The following EVI5L variants were observed in gnomAD, a reference collection of about 807,000 sequenced individuals.
EVI5L encodes ecotropic viral integration site 5 like.
EVI5L carries 30 observed loss-of-function variants against 106.1 expected under a neutral mutation model. That is an observed-to-expected ratio of 0.28 (90% CI 0.21 to 0.38). The LOEUF (loss-of-function observed/expected upper bound fraction) is 0.38, where lower values mean the gene tolerates loss of function less well. Ranked by LOEUF, EVI5L falls within the 10% of genes least tolerant of loss-of-function variation. The pLI is 1.00. For synonymous variants in EVI5L, 489 were observed against 483.3 expected, an observed-to-expected ratio of 1.01 and a Z score of -0.15; for missense variants, 809 against 1,098.0, an observed-to-expected ratio of 0.74 and a Z score of 3.72.
intron 1 of EVI5L, among the ~76,000 whole-genome samples, chr19:7,842,839 A>G (rs1978702973): frequency 6.7e-6 from 1 of 148,802 alleles, no homozygotes; most frequent in Admixed American, 6.7e-5. Context: ...GAAGGTATAT[A>G]GGTGTGTGTA....
intron 1 of EVI5L, among the ~76,000 whole-genome samples, chr19:7,837,198 G>A (rs942477812): frequency 6.6e-6 from 1 of 151,864 alleles, no homozygotes; most frequent in Non-Finnish European, 1.5e-5. Flanking sequence ...GGGCGTGGTG[G>A]TGCGCACCTG....
intron 1 of EVI5L, among the ~76,000 whole-genome samples, chr19:7,831,699 C>A (rs1978294097): frequency 6.6e-6 from 1 of 152,374 alleles, no homozygotes; most frequent in East Asian, 1.9e-4. Flanking sequence ...TATGCCACCC[C>A]CTGGCGGGAA....
intron 10 of EVI5L, 108 bp downstream of exon 10, chr19:7,853,441 C>T: frequency 6.9e-7 from 1 of 1,438,914 alleles, no homozygotes; most frequent in Non-Finnish European, 9.5e-7. Context: ...AGCGCACAGG[C>T]GGACCCGGCG....
At position 7,857,038 on chromosome 19, in the gene EVI5L, C is replaced by T. The variant is rs533254302; in HGVS notation, c.1201-54C>T. The T allele has an allele frequency of 1.1e-5, 17 of 1,546,568 alleles. No individual in the cohort carries two copies. The highest frequency in any genetic ancestry group is 6.0e-5 in the South Asian group (5 of 83,976). On this transcript the variant is annotated intron_variant, in intron 11 of 19. Coordinates refer to ENST00000538904, the MANE Select transcript of EVI5L (RefSeq NM_001159944.3). The surrounding 1 kb of genome is among the most constrained non-coding windows in gnomAD (Gnocchi z 4.5). ...GTCTGTCTCCCCTCTCCTGTCCCCGCGCCTTCCGCTCTGCCTCCTCCCCCT... is the reference window on the plus strand; with the variant it reads ...GTCTGTCTCCCCTCTCCTGTCCCCGTGCCTTCCGCTCTGCCTCCTCCCCCT...
rs930217987 is a variant in EVI5L at position 7,848,453 on chromosome 19, T to C, written c.328-468T>C. On this transcript the variant is annotated intron_variant, in intron 3 of 19. Transcript: ENST00000538904. The surrounding 1 kb of genome is among the most constrained non-coding windows in gnomAD (Gnocchi z 4.8). ...CTCTACTAAAAATACAAAAATTAGCTGGGCGTGGTGGCGTGCACCTGTAAT... is the reference window on the plus strand; with the variant it reads ...CTCTACTAAAAATACAAAAATTAGCCGGGCGTGGTGGCGTGCACCTGTAAT... Among the ~76,000 whole-genome samples, 3 of 151,930 alleles carry C rather than the reference T, an allele frequency of 2.0e-5. No homozygotes were observed. The highest frequency in any genetic ancestry group is 4.4e-5 in the Non-Finnish European group (3 of 67,990).
At chr19:7,851,144 G>A (rs759437398) in intron 6 of EVI5L, among the ~76,000 whole-genome samples, 2 of 152,112 alleles carry the variant, frequency 1.3e-5, no homozygotes, top group Non-Finnish European at 2.9e-5. Flanking sequence ...TCAGGCTGTC[G>A]TGAGGACCCC....
intron 8 of EVI5L, among the ~76,000 whole-genome samples, chr19:7,852,543 T>G (rs528229194): frequency 1.5e-4 from 19 of 130,946 alleles, no homozygotes; most frequent in Admixed American, 8.6e-4. Flanking sequence ...GCTTTTCTTT[T>G]TTTCTTTTAC....
In EVI5L at chr19:7,856,011, A is replaced by G; in HGVS notation, c.1147-4A>G. On this transcript the variant is annotated splice_polypyrimidine_tract_variant and splice_region_variant and intron_variant, in intron 10 of 19. Transcript: ENST00000538904. The surrounding 1 kb of genome is among the most constrained non-coding windows in gnomAD (Gnocchi z 6.6). Reference sequence around the variant, plus strand: ...TATGACGTGATCTCCCCCCACCCCCATAGAGACTTCGGACGGAGAACCGGC... The same window carrying G: ...TATGACGTGATCTCCCCCCACCCCCGTAGAGACTTCGGACGGAGAACCGGC... 1 of 1,327,708 alleles carries G rather than the reference A, an allele frequency of 7.5e-7. No homozygotes were observed. 82.2% of individuals were successfully genotyped at this position (1,327,708 alleles called of 1,614,324 possible).
chr19:7,847,619 C>T (rs1314544293), intron 2 of EVI5L, 113 bp from the exon 3 acceptor site: 1 of 1,072,396 alleles, frequency 9.3e-7, no homozygotes, highest in Non-Finnish European at 1.3e-6. Flanking sequence ...CAAGAGGGAC[C>T]TAATCCCTGG....
At chr19:7,834,974 T>C (rs1978319457) in intron 1 of EVI5L, among the ~76,000 whole-genome samples, 2 of 151,630 alleles carry the variant, frequency 1.3e-5, no homozygotes, top group African/African-American at 4.8e-5. Flanking sequence ...ATAATAATAA[T>C]AATAATAACA....
chr19:7,857,036 C>CGCGCCTTCCGCTCTGCCTCCTCCCCCT lies in EVI5L; in HGVS notation c.1201-54_1201-28dup. On this transcript the variant is annotated intron_variant, in intron 11 of 19. Coordinates refer to ENST00000538904, the MANE Select transcript of EVI5L (RefSeq NM_001159944.3). The surrounding 1 kb of genome is among the most constrained non-coding windows in gnomAD (Gnocchi z 4.5). ...TTGTCTGTCTCCCCTCTCCTGTCCCCGCGCCTTCCGCTCTGCCTCCTCCCC... is the reference window on the plus strand; with the variant it reads ...TTGTCTGTCTCCCCTCTCCTGTCCCCGCGCCTTCCGCTCTGCCTCCTCCCCCTGCGCCTTCCGCTCTGCCTCCTCCCC... 6.5e-7 allele frequency: 1 copy of CGCGCCTTCCGCTCTGCCTCCTCCCCCT among 1,544,904 alleles called. No individual in the cohort carries two copies. The highest frequency in any genetic ancestry group is 2.4e-5 in the East Asian group (1 of 40,904).
In EVI5L at chr19:7,860,634, C is replaced by T. The variant is rs777147367; in HGVS notation, c.1448C>T (p.Thr483Met). The T allele has an allele frequency of 1.8e-5, 29 of 1,597,958 alleles. No homozygotes were observed. The highest frequency in any genetic ancestry group is 3.4e-5 in the South Asian group (3 of 88,670). ...TELEQSRLRETETLGALREMQ... is the reference protein window; with the variant it reads ...TELEQSRLREMETLGALREMQ... ...CTGGAGCAGTCGAGGCTGCGGGAGA[C>T]GGAGACACTGGGGGCCCTTCGGGAG... The change falls in exon 14 of 20, where the codon ACG becomes ATG. Residue 483 changes from threonine (T) to methionine (M), a missense_variant. Around this residue, in one of 2 missense-constraint regions of EVI5L, gnomAD observed 452 missense variants for 509.9 expected, o/e 0.89. Transcript: ENST00000538904.
At chr19:7,831,248 C>CAA in intron 1 of EVI5L, among the ~76,000 whole-genome samples, 1 of 151,132 alleles carries the variant, frequency 6.6e-6, no homozygotes, top group African/African-American at 2.4e-5. Flanking sequence ...CACACACACA[C>CAA]ACACACACAC....
chr19:7,861,992 C>G lies in EVI5L; in HGVS notation c.1618C>G (p.Leu540Val), dbSNP rs756066636. 8 of 1,548,454 alleles carry G rather than the reference C, an allele frequency of 5.2e-6. No homozygotes were observed. The South Asian group carries it at 9.5e-5, about 18-fold the overall frequency. ...VASTRELKLQLQELSDTWQAH... is the reference protein window; with the variant it reads ...VASTRELKLQVQELSDTWQAH... ...CTCGACGCGAGAGCTTAAACTGCAG[C>G]TGCAGGAGCTCTCGGACACCTGGCA... Residue 540 changes from leucine to valine, a missense_variant, in exon 15 of 20, where the codon CTG becomes GTG. This residue lies in a region of EVI5L where 452 missense variants were observed against 509.9 expected (regional missense o/e 0.89). Coordinates refer to ENST00000538904, the MANE Select transcript of EVI5L (RefSeq NM_001159944.3).
chr19:7,842,044 T>G (rs1468682835), intron 1 of EVI5L, among the ~76,000 whole-genome samples: 1 of 151,150 alleles, frequency 6.6e-6, no homozygotes, highest in Non-Finnish European at 1.5e-5. Flanking sequence ...TGTGTGTGCC[T>G]GAGTGCGGGT....
In EVI5L at chr19:7,858,163, C is replaced by T. The variant is rs371516940; in HGVS notation, c.1234-28C>T. The stretch of plus-strand genomic sequence containing the variant: ...GTGGGAGCCGAGGGTCACGGCCTCC[C>T]CCTGCCCCCTGTCCTCGCTGTTCTC... On this transcript the variant is annotated intron_variant, in intron 12 of 19. Transcript: ENST00000538904. The surrounding 1 kb of genome is among the most constrained non-coding windows in gnomAD (Gnocchi z 5.7). 6.5e-7 allele frequency: 1 copy of T among 1,547,510 alleles called. No homozygotes were observed. The highest frequency in any genetic ancestry group is 8.7e-7 in the Non-Finnish European group (1 of 1,145,504).
chr19:7,862,445 G>C lies in EVI5L; in HGVS notation c.1858G>C (p.Glu620Gln), dbSNP rs1467069481. The C allele has an allele frequency of 1.2e-6, 2 of 1,610,370 alleles. No homozygotes were observed. The highest frequency in any genetic ancestry group is 1.7e-6 in the Non-Finnish European group (2 of 1,178,886). The change falls in exon 17 of 20, where the codon GAG (glutamate) becomes CAG (glutamine). Residue 620 changes from glutamate to glutamine, a missense_variant. Around this residue, in one of 2 missense-constraint regions of EVI5L, gnomAD observed 452 missense variants for 509.9 expected, o/e 0.89. Coordinates refer to ENST00000538904, the MANE Select transcript of EVI5L (RefSeq NM_001159944.3). ...GGAGGCGGAGCGCGCGGCGCTGCAGGAGAAGCTGCAGTACCTGGCTGCACA... is the reference window on the plus strand; with the variant it reads ...GGAGGCGGAGCGCGCGGCGCTGCAGCAGAAGCTGCAGTACCTGGCTGCACA... ...RVEAERAALQ[E>Q]KLQYLAAQNK...
At chr19:7,841,460 G>C (rs1432235574) in intron 1 of EVI5L, among the ~76,000 whole-genome samples, 1 of 152,112 alleles carries the variant, frequency 6.6e-6, no homozygotes, top group Admixed American at 6.5e-5. Context: ...CAGTGCCCCC[G>C]AGAGGGAAAG....
In EVI5L at chr19:7,848,597, CAA is replaced by C. The variant is rs911142616; in HGVS notation, c.328-312_328-311del. On this transcript the variant is annotated intron_variant, in intron 3 of 19. Transcript: ENST00000538904. This position sits in a 1 kb window ranked among gnomAD's most constrained non-coding sequence, Gnocchi z 4.8. ...TGGGCAACAGAGTGAGACTCCATCT[CAA>C]AAAAAAAAAAAGTTTAAAAATTAGC... Among the ~76,000 whole-genome samples the C allele has an allele frequency of 7.2e-6, 1 of 139,160 alleles. No homozygotes were observed. 91.3% of individuals were successfully genotyped at this position (139,160 alleles called of 152,430 possible).
Sources: allele counts gnomAD v4.1 joint callset (sites outside exome capture counted in the v4.1 genomes callset), GRCh38; gene constraint gnomAD v4.1.1; regional missense constraint gnomAD v4.1.1; non-coding constraint Gnocchi (gnomAD v3.1); transcripts MANE v1.5; gene names NCBI Gene and HGNC (gene_info 2026-07-23, HGNC 2026-07-21).